LMAN2: variants seen among roughly 807,000 people sequenced by gnomAD.
The protein encoded by LMAN2 is vesicular integral-membrane protein VIP36.
LMAN2 carries 22 observed loss-of-function variants against 39.3 expected under a neutral mutation model. That is an observed-to-expected ratio of 0.56 (90% confidence interval 0.40 to 0.80). The LOEUF is 0.80. LMAN2 is among the 30% of genes least tolerant of loss of function. The pLI is 0.00. For synonymous variants in LMAN2, 207 were observed against 207.8 expected (o/e 1.00, Z 0.03); for missense variants, 494 against 505.4 (o/e 0.98, Z 0.22).
chr5:177,349,285 T>A (rs1204058178), intron 2 of LMAN2, among the ~76,000 whole-genome samples: 2 of 152,182 alleles, frequency 1.3e-5, no homozygotes, highest in Non-Finnish European at 2.9e-5. Context: ...AATGTTCGCC[T>A]GAGTGCATGC....
In LMAN2 at chr5:177,337,166, C is replaced by T. The variant is rs910882448; in HGVS notation, c.760G>A (p.Gly254Arg). 1.2e-6 allele frequency: 2 copies of T among 1,613,776 alleles called. No individual in the cohort carries two copies. The highest frequency in any genetic ancestry group is 1.7e-6 in the Non-Finnish European group (2 of 1,179,952). Reference protein sequence around the residue: ...GVRLPTGYYFGASAGTGDLSD... With the variant: ...GVRLPTGYYFRASAGTGDLSD... ...AGGTCGCCGGTGCCGGCGGAGGCCC[C>T]GAAGTAGTAGCCGGTGGGCAGGCGC... is the stretch of plus-strand genomic sequence containing the variant. The change falls in exon 6 of 8, where the codon GGG becomes AGG. Residue 254 changes from glycine (G) to arginine (R), a missense_variant. Coordinates refer to ENST00000303127, the MANE Select transcript of LMAN2 (RefSeq NM_006816.3). The surrounding 1 kb of genome is among the most constrained non-coding windows in gnomAD (Gnocchi z 8.2).
At position 177,337,278 on chromosome 5, in the gene LMAN2, C is replaced by T; in HGVS notation, c.676-28G>A. ...GCAGGGCCCAGCACGCTAAGCACCTCGCAGGACAGCAGCCTGCCCTCCTGA... is the reference window on the plus strand; with the variant it reads ...GCAGGGCCCAGCACGCTAAGCACCTTGCAGGACAGCAGCCTGCCCTCCTGA... On this transcript the variant is annotated intron_variant, in intron 5 of 7. Transcript: ENST00000303127. The surrounding 1 kb of genome is among the most constrained non-coding windows in gnomAD (Gnocchi z 8.2). 2.5e-6 allele frequency: 4 copies of T among 1,613,174 alleles called. No homozygotes were observed. The highest frequency in any genetic ancestry group is 2.7e-5 in the African/African-American group (2 of 75,042).
At chr5:177,351,361 G>A (rs931573714) in intron 1 of LMAN2, 70 bp from the exon 2 acceptor site, 2 of 1,607,172 alleles carry the variant, frequency 1.2e-6, no homozygotes, top group South Asian at 1.1e-5. Flanking sequence ...AACCCACAGA[G>A]ATGCTCTGCT....
At position 177,336,985 on chromosome 5, in the gene LMAN2, C is replaced by T. The variant is rs756009934; in HGVS notation, c.790+151G>A. The T allele has an allele frequency of 1.6e-5, 10 of 633,152 alleles. No homozygotes were observed. In the East Asian group the frequency reaches 1.6e-4, roughly 10 times the overall value. The allele number at this position is 633,152 out of a possible 1,614,324, so 39.2% of individuals were successfully genotyped here. A position where few individuals can be genotyped will look rare whatever the true frequency, so the allele number is the denominator to read the frequency against. ...CCCAGAAACCACAGGAACTGAGGCC[C>T]GGACAGGCCATTTACAGAAGAAAGG... is the stretch of plus-strand genomic sequence containing the variant. On this transcript the variant is annotated intron_variant, in intron 6 of 7. Transcript: ENST00000303127.
At chr5:177,343,179 C>T (rs1307484635) in intron 2 of LMAN2, among the ~76,000 whole-genome samples, 6 of 151,958 alleles carry the variant, frequency 3.9e-5, no homozygotes, top group Admixed American at 1.3e-4. Flanking sequence ...CACTTGAACC[C>T]GGGAGGCAGA....
intron 2 of LMAN2, among the ~76,000 whole-genome samples, chr5:177,344,591 C>T (rs560897681): frequency 2.0e-5 from 3 of 150,582 alleles, no homozygotes; most frequent in Non-Finnish European, 4.4e-5. Flanking sequence ...GTGTTACATA[C>T]ATTTTATCAC....
At chr5:177,335,253 C>T (rs967487848) in intron 6 of LMAN2, among the ~76,000 whole-genome samples, 1 of 152,226 alleles carries the variant, frequency 6.6e-6, no homozygotes, top group Non-Finnish European at 1.5e-5. Context: ...GGACAAGGAC[C>T]GGCCCTGGAG....
chr5:177,335,002 G>A, intron 6 of LMAN2, among the ~76,000 whole-genome samples: 1 of 152,258 alleles, frequency 6.6e-6, no homozygotes, highest in East Asian at 1.9e-4. Flanking sequence ...CCAATGGCAT[G>A]CACAGGGAAG....
intron 7 of LMAN2, among the ~76,000 whole-genome samples, chr5:177,333,124 G>A (rs980541489): frequency 1.3e-5 from 2 of 152,202 alleles, no homozygotes; most frequent in African/African-American, 2.4e-5. Flanking sequence ...CGACAGCAGC[G>A]GCCACTGACC....
Position 177,332,155 on chromosome 5 carries a change from G to A in LMAN2, c.1002C>T (p.Ile334=), listed in dbSNP as rs772147726. The A allele has an allele frequency of 2.5e-5, 40 of 1,613,494 alleles. No individual in the cohort carries two copies. The highest frequency in any genetic ancestry group is 2.2e-4 in the South Asian group (20 of 91,078). The part of the protein sequence containing the change: ...FLLLLCALLG[I]VVCAVVGAVV... ...CGGCCCCCACCACGGCGCAGACAAC[G>A]ATGCCCAGGAGAGCGCACAGCAGCA... is the stretch of plus-strand genomic sequence containing the variant. Residue 334 remains isoleucine (I), a synonymous_variant, in exon 8 of 8, where the codon ATC becomes ATT. Transcript: ENST00000303127. The surrounding 1 kb of genome is among the most constrained non-coding windows in gnomAD (Gnocchi z 6.3).
At position 177,344,056 on chromosome 5, in the gene LMAN2, A is replaced by T. The variant is rs575950478; in HGVS notation, c.316-5451T>A. Among the ~76,000 whole-genome samples the T allele has an allele frequency of 2.7e-4, 39 of 144,042 alleles. No individual in the cohort carries two copies. The East Asian group carries it at 4.0e-3, about 15-fold the overall frequency. The allele number at this position is 144,042 out of a possible 152,430, so 94.5% of individuals were successfully genotyped here. A position where few individuals can be genotyped will look rare whatever the true frequency, so the allele number is the denominator to read the frequency against. ...TGAGACCCCAGCTCTACAAAAAATT[A>T]AAAAAAAAAAAATTAGCCAGGCACA... On this transcript the variant is annotated intron_variant, in intron 2 of 7. Transcript: ENST00000303127.
rs1761490774 is a variant in LMAN2, at chr5:177,337,406, T to G, written c.632A>C (p.His211Pro). 1 of 1,613,024 alleles carries G rather than the reference T, an allele frequency of 6.2e-7. No individual in the cohort carries two copies. The highest frequency in any genetic ancestry group is 8.5e-7 in the Non-Finnish European group (1 of 1,179,990). ...GCTADFRNRD[H>P]DTFLAVRYSR... is the part of the protein sequence containing the mutation. Reference sequence around the variant, plus strand: ...GTAGCGCACAGCCAGGAAGGTGTCGTGATCGCGGTTGCGGAAGTCAGCCGT... The same window carrying G: ...GTAGCGCACAGCCAGGAAGGTGTCGGGATCGCGGTTGCGGAAGTCAGCCGT... Residue 211 changes from histidine to proline, a missense_variant, in exon 5 of 8, where the codon CAC becomes CCC. Physicochemically the swap from His to Pro is moderately conservative, Grantham distance 77. Coordinates refer to ENST00000303127, the MANE Select transcript of LMAN2 (RefSeq NM_006816.3). The surrounding 1 kb of genome is among the most constrained non-coding windows in gnomAD (Gnocchi z 8.2).
rs369932800 is a variant in LMAN2, at chr5:177,338,528, G to A, written c.393C>T (p.Asp131=). The A allele has an allele frequency of 1.4e-5, 22 of 1,614,192 alleles. No homozygotes were observed. The highest frequency in any genetic ancestry group is 2.2e-5 in the East Asian group (1 of 44,882). Residue 131 remains aspartate, a synonymous_variant, in exon 3 of 8, where the codon GAC becomes GAT. Coordinates refer to ENST00000303127, the MANE Select transcript of LMAN2 (RefSeq NM_006816.3). ...HGTGKKNLHG[D]GIALWYTRDR... ...CCCGGGTGTACCACAAGGCGATGCCGTCTCCATGGAGGTTCTTCTTCCCTG... is the reference window on the plus strand; with the variant it reads ...CCCGGGTGTACCACAAGGCGATGCCATCTCCATGGAGGTTCTTCTTCCCTG...
At chr5:177,339,155 C>T (rs1380095373) in intron 2 of LMAN2, among the ~76,000 whole-genome samples, 1 of 152,222 alleles carries the variant, frequency 6.6e-6, no homozygotes, top group African/African-American at 2.4e-5. Flanking sequence ...TTTCTGACTC[C>T]GAGAGCTCTG....
At chr5:177,343,064 T>C (rs1263363548) in intron 2 of LMAN2, among the ~76,000 whole-genome samples, 1 of 152,022 alleles carries the variant, frequency 6.6e-6, no homozygotes, top group Admixed American at 6.6e-5. Context: ...CCGTCCTGGC[T>C]AACACGGTGA....
chr5:177,340,466 C>T (rs775373406), intron 2 of LMAN2, among the ~76,000 whole-genome samples: 1 of 152,098 alleles, frequency 6.6e-6, no homozygotes, highest in Non-Finnish European at 1.5e-5. Context: ...TCTGGAGTGT[C>T]TATTGTTCTC....
At position 177,351,633 on chromosome 5, in the gene LMAN2, G is replaced by C. The variant is rs779662412; in HGVS notation, c.15C>G (p.Gly5=). The change falls in exon 1 of 8, where the codon GGC becomes GGG. Residue 5 remains glycine, a synonymous_variant. Coordinates refer to ENST00000303127, the MANE Select transcript of LMAN2 (RefSeq NM_006816.3). ...GGCCCCAGCCCCAACGCCAAATCCA[G>C]CCTTCCGCCGCCATTCTCCTCTCCT... The part of the protein sequence containing the change: MAAE[G]WIWRWGWGRR... 4.4e-6 allele frequency: 7 copies of C among 1,591,670 alleles called. No individual in the cohort carries two copies. The highest frequency in any genetic ancestry group is 2.2e-5 in the East Asian group (1 of 44,652).
intron 7 of LMAN2, among the ~76,000 whole-genome samples, chr5:177,333,617 C>T (rs1341222876): frequency 1.3e-5 from 2 of 152,234 alleles, no homozygotes; most frequent in East Asian, 3.8e-4. Context: ...ACAGAGCCCG[C>T]GCCGTGCACT....
rs1761489051 is a variant in LMAN2 at position 177,337,307 on chromosome 5, T to C, written c.675+56A>G. ...GGACAGCAGCCTGCCCTCCTGAGCC[T>C]CTGTGGGACCAGCACAGGGCCACCA... On this transcript the variant is annotated intron_variant, in intron 5 of 7. Coordinates refer to ENST00000303127, the MANE Select transcript of LMAN2 (RefSeq NM_006816.3). This position sits in a 1 kb window ranked among gnomAD's most constrained non-coding sequence, Gnocchi z 8.2. The C allele has an allele frequency of 5.6e-6, 9 of 1,611,624 alleles. No homozygotes were observed. Among genetic ancestry groups the C allele is most frequent in the Admixed American group, 3.3e-5 (2 of 59,946 alleles).
Sources: gnomAD v4.1 joint callset for allele counts (sites outside exome capture counted in the v4.1 genomes callset) on GRCh38, gnomAD v4.1.1 for gene constraint, Gnocchi (gnomAD v3.1) non-coding constraint, MANE v1.5 for transcripts, NCBI Gene and HGNC (gene_info 2026-07-23, HGNC 2026-07-21) for gene names.